Variants in FRK observed in about 807,000 individuals in gnomAD.
FRK encodes fyn related Src family tyrosine kinase.
In FRK, 51 loss-of-function variants were observed where a neutral mutation model predicts 56.4. The observed-to-expected ratio is 0.90, with a 90% CI of 0.72 to 1.14. The LOEUF (loss-of-function observed/expected upper bound fraction) is 1.14. Among genes scored for constraint, FRK ranks in the 50% most tolerant of loss-of-function variants. The pLI is 0.00. For missense variants in FRK, 570 were observed against 601.4 expected (o/e 0.95, Z 0.55); for synonymous variants, 245 against 217.9 (o/e 1.12, Z -1.10).
At chr6:116,013,921 T>C (rs1442141931) in intron 1 of FRK, among the ~76,000 whole-genome samples, 1 of 152,144 alleles carries the variant, frequency 6.6e-6, no homozygotes, top group East Asian at 1.9e-4. Context: ...AGCATCTTTC[T>C]TCCCTTTTCC....
chr6:116,072,530 A>AACACAC, the FRK span, among the ~76,000 whole-genome samples: 10,447 of 144,836 alleles, frequency 0.072, 681 homozygotes, highest in East Asian at 0.37. Flanking sequence ...AGGTTAAATA[A>AACACAC]ACACACACAC....
intron 1 of FRK, among the ~76,000 whole-genome samples, chr6:116,033,199 G>A (rs1282212559): frequency 6.6e-6 from 1 of 151,976 alleles, no homozygotes; most frequent in Non-Finnish European, 1.5e-5. Flanking sequence ...ATCAGCACAA[G>A]CTAATTAAAA....
intron 1 of FRK, among the ~76,000 whole-genome samples, chr6:116,036,098 G>T (rs1776470702): frequency 6.6e-6 from 1 of 152,096 alleles, no homozygotes; most frequent in Non-Finnish European, 1.5e-5. Flanking sequence ...TGGGAGAGCT[G>T]CCTGCACTTT....
rs142846777 is a variant in FRK at position 115,944,274 on chromosome 6, T to C, written c.1110A>G (p.Val370=). 99 of 1,609,252 alleles carry C rather than the reference T, an allele frequency of 6.2e-5. No homozygotes were observed. Among genetic ancestry groups the C allele is most frequent in the Admixed American group, 8.5e-5 (5 of 58,874 alleles). Residue 370 remains valine (V), a synonymous_variant, in exon 6 of 8, where the codon GTA becomes GTG. Coordinates refer to ENST00000606080, the MANE Select transcript of FRK (RefSeq NM_002031.3). ...AAACTCTGGCAAGTCCAAAATCTGC[T>C]ACTTTGTAGATATTATGTTCACCAA... is the stretch of plus-strand genomic sequence containing the variant. ...VLVGEHNIYK[V]ADFGLARVFK... is the part of the protein sequence containing the mutation.
At chr6:116,035,807 G>A (rs184554790) in intron 1 of FRK, among the ~76,000 whole-genome samples, 25 of 152,030 alleles carry the variant, frequency 1.6e-4, no homozygotes, top group Admixed American at 2.0e-4. Flanking sequence ...ACAACTACCC[G>A]TAAATAAATA....
chr6:116,013,400 G>A (rs759206628), intron 1 of FRK, among the ~76,000 whole-genome samples: 8 of 152,120 alleles, frequency 5.3e-5, no homozygotes, highest in Non-Finnish European at 1.2e-4. Flanking sequence ...AACAAAATGT[G>A]TGCCTATATA....
intron 5 of FRK, among the ~76,000 whole-genome samples, chr6:115,947,689 A>G (rs1034579771): frequency 6.6e-6 from 1 of 150,900 alleles, no homozygotes; most frequent in Non-Finnish European, 1.5e-5. Flanking sequence ...GGCCCATATC[A>G]AAAAAAAAGT....
the FRK span, among the ~76,000 whole-genome samples, chr6:116,066,349 G>C: frequency 6.6e-6 from 1 of 152,044 alleles, no homozygotes; most frequent in Non-Finnish European, 1.5e-5. Context: ...GGCTCTCCTT[G>C]TTCCTCAAGC....
chr6:116,055,676 A>T (rs987006715), intron 1 of FRK, among the ~76,000 whole-genome samples: 25 of 152,254 alleles, frequency 1.6e-4, no homozygotes, highest in African/African-American at 6.0e-4. Context: ...TTATATATAT[A>T]TAACAAAGCA....
chr6:116,042,295 G>C (rs543073296), intron 1 of FRK, among the ~76,000 whole-genome samples: 1 of 152,056 alleles, frequency 6.6e-6, no homozygotes, highest in Admixed American at 6.5e-5. Flanking sequence ...CAGAACACCT[G>C]GGGGAAGGGG....
At chr6:116,097,987 G>GGT in the FRK span, among the ~76,000 whole-genome samples, 27,007 of 151,718 alleles carry the variant, frequency 0.18, 2,865 homozygotes, top group African/African-American at 0.29. Flanking sequence ...CCACACAATG[G>GGT]GGTTTAGACA....
At position 115,956,608 on chromosome 6, in the gene FRK, A is replaced by C. The variant is rs1391653045; in HGVS notation, c.802T>G (p.Ser268Ala). Residue 268 changes from serine (S) to alanine (A), a missense_variant and splice_region_variant, in exon 5 of 8, where the codon TCA (serine) becomes GCA (alanine). By Grantham distance (99) the Ser-to-Ala change is moderately conservative. Transcript: ENST00000606080. ...PVAVKTLKPG[S>A]MDPNDFLREA... ...CTCAGGAAGTCATTTGGATCCATTG[A>C]ACCTGAAACAAGAAGAGGGAGAAAT... 1 of 1,546,780 alleles carries C rather than the reference A, an allele frequency of 6.5e-7. No homozygotes were observed. The highest frequency in any genetic ancestry group is 2.3e-5 in the East Asian group (1 of 42,880).
upstream of FRK, among the ~76,000 whole-genome samples, chr6:116,062,807 A>G (rs1419202616): frequency 6.6e-6 from 1 of 152,218 alleles, no homozygotes; most frequent in Non-Finnish European, 1.5e-5. Context: ...CAAGTCTTGC[A>G]GTTATCTTTC....
At chr6:115,999,304 C>T (rs916364230) in intron 2 of FRK, among the ~76,000 whole-genome samples, 1 of 152,134 alleles carries the variant, frequency 6.6e-6, no homozygotes, top group African/African-American at 2.4e-5. Flanking sequence ...CTCTGGCTAC[C>T]ACATATAATA....
At chr6:116,073,776 C>T in the FRK span, among the ~76,000 whole-genome samples, 1 of 152,100 alleles carries the variant, frequency 6.6e-6, no homozygotes, top group Non-Finnish European at 1.5e-5. Flanking sequence ...TAATCAATTC[C>T]CATAACAGCA....
chr6:116,012,017 A>C (rs1042111716), intron 1 of FRK, among the ~76,000 whole-genome samples: 10 of 152,116 alleles, frequency 6.6e-5, no homozygotes, highest in Non-Finnish European at 1.5e-4. Context: ...TTTGTTATTC[A>C]TTCCTTCCTT....
chr6:115,948,731 T>A (rs1772573734), intron 5 of FRK, among the ~76,000 whole-genome samples: 2 of 152,240 alleles, frequency 1.3e-5, no homozygotes, highest in Non-Finnish European at 2.9e-5. Flanking sequence ...AGGTAATTCA[T>A]ATGTATCTCT....
At chr6:116,047,748 C>A (rs1354652870) in intron 1 of FRK, among the ~76,000 whole-genome samples, 1 of 152,240 alleles carries the variant, frequency 6.6e-6, no homozygotes, top group Admixed American at 6.5e-5. Flanking sequence ...TTCACATAGT[C>A]TCACTTCCTC....
At chr6:116,096,044 T>A in the FRK span, among the ~76,000 whole-genome samples, 1 of 152,356 alleles carries the variant, frequency 6.6e-6, no homozygotes, top group South Asian at 2.1e-4. Context: ...CCTTTATTTT[T>A]AACCTCCTTG....
Sources: allele counts gnomAD v4.1 joint callset (sites outside exome capture counted in the v4.1 genomes callset), GRCh38; gene constraint gnomAD v4.1.1; transcripts MANE v1.5; gene names NCBI Gene and HGNC (gene_info 2026-07-23, HGNC 2026-07-21).